The following RFX5 variants were observed in gnomAD, a reference collection of about 807,000 sequenced individuals.
RFX5 encodes the protein regulatory factor X5.
A neutral mutation model predicts 41.2 loss-of-function variants in RFX5; 30 were observed. The observed-to-expected ratio is 0.73, with a 90% confidence interval of 0.54 to 0.99. RFX5 has a LOEUF of 0.99. Among genes scored for constraint, RFX5 ranks in the 50% least tolerant of loss-of-function variants. The probability of loss-of-function intolerance (pLI) is 0.00; values close to 1 mark genes in which losing one functional copy is unlikely to be tolerated. For missense variants in RFX5, 715 were observed against 773.6 expected (o/e 0.92, Z 0.90); for synonymous variants, 231 against 291.8 (o/e 0.79, Z 2.12).
At position 151,345,191 on chromosome 1, in the gene RFX5, G is replaced by A. The variant is rs772664727; in HGVS notation, c.151-3C>T. 3.7e-6 allele frequency: 6 copies of A among 1,612,378 alleles called. No homozygotes were observed. Among genetic ancestry groups the A allele is most frequent in the African/African-American group, 1.3e-5 (1 of 74,902 alleles). ...TCAGAAAATTTCTGTACATCTTGCT[G>A]AGGTAGGAGAGAACAGAGGCAGGAG... is the stretch of plus-strand genomic sequence containing the variant. On this transcript the variant is annotated splice_region_variant and splice_polypyrimidine_tract_variant and intron_variant, in intron 4 of 10. Transcript: ENST00000452671.
chr1:151,342,783 G>A lies in RFX5; in HGVS notation c.1254C>T (p.Gly418=). The A allele has an allele frequency of 6.2e-7, 1 of 1,614,164 alleles. No individual in the cohort carries two copies. The highest frequency in any genetic ancestry group is 8.5e-7 in the Non-Finnish European group (1 of 1,180,002). ...QPRGTENREV[G]IGGDQGPHDK... is the part of the protein sequence containing the mutation. ...CATGTGGTCCTTGGTCACCACCTAT[G>A]CCTACCTCTCTGTTCTCTGTGCCCC... Residue 418 remains glycine, a synonymous_variant, in exon 11 of 11, where the codon GGC becomes GGT. Transcript: ENST00000452671.
chr1:151,344,575 A>G, intron 6 of RFX5, 39 bp from the exon 7 acceptor site: 1 of 1,613,996 alleles, frequency 6.2e-7, no homozygotes, highest in Admixed American at 1.7e-5. Flanking sequence ...ATACTCAGAG[A>G]AGGAGGCCAT....
Position 151,343,352 on chromosome 1 carries a change from C to G in RFX5, c.848G>C (p.Arg283Thr), listed in dbSNP as rs779171466. 2 of 1,613,282 alleles carry G rather than the reference C, an allele frequency of 1.2e-6. No homozygotes were observed. The highest frequency in any genetic ancestry group is 2.2e-5 in the East Asian group (1 of 44,890). The change falls in exon 10 of 11, where the codon AGA (arginine) becomes ACA (threonine). Residue 283 changes from arginine (R) to threonine (T), a missense_variant. Transcript: ENST00000452671. ...CACTGACTTCCTTACCTGGGCCAGTCTCTCTGGCTTCTTGTGGGCTCCACC... is the reference window on the plus strand; with the variant it reads ...CACTGACTTCCTTACCTGGGCCAGTGTCTCTGGCTTCTTGTGGGCTCCACC... ...PEGGAHKKPE[R>T]LAQPPKDLEA...
chr1:151,346,144 A>G, intron 3 of RFX5, 61 bp downstream of exon 3: 1 of 1,567,584 alleles, frequency 6.4e-7, no homozygotes, highest in Non-Finnish European at 8.8e-7. Flanking sequence ...GCCAAAGTGA[A>G]GTGCTGCAGG....
At chr1:151,344,978 C>T in intron 5 of RFX5, 128 bp downstream of exon 5, 7 of 1,566,600 alleles carry the variant, frequency 4.5e-6, no homozygotes, top group Non-Finnish European at 6.1e-6. Flanking sequence ...TAAACCAAGT[C>T]AGGGCGAGGA....
At position 151,346,613 on chromosome 1, in the gene RFX5, AG is replaced by A; in HGVS notation, c.-131-8del. The A allele has an allele frequency of 2.5e-6, 1 of 397,468 alleles. No individual in the cohort carries two copies. The highest frequency in any genetic ancestry group is 2.5e-5 in the South Asian group (1 of 40,546). The allele number at this position is 397,468 out of a possible 1,614,324, so 24.6% of individuals were successfully genotyped here. On this transcript the variant is annotated splice_polypyrimidine_tract_variant and splice_region_variant and intron_variant, in intron 1 of 10. Transcript: ENST00000452671. ...GTCTCCTAAATCTGGAAAACTGTAA[AG>A]GAAGAGATAGGGGGATTGGGAATCC... is the stretch of plus-strand genomic sequence containing the variant.
rs1016266960 is a variant in RFX5 at position 151,344,608 on chromosome 1, G to A, written c.354-72C>T. The A allele has an allele frequency of 5.6e-6, 9 of 1,610,194 alleles. No individual in the cohort carries two copies. In the African/African-American group the frequency reaches 8.0e-5, roughly 14 times the overall value. On this transcript the variant is annotated intron_variant, in intron 6 of 10. Coordinates refer to ENST00000452671, the MANE Select transcript of RFX5 (RefSeq NM_001025603.2). ...CATGGGTAGGCTCGAAGAGTCCCTA[G>A]GGATCAAGTGTGAGGAACCCTTTAA...
rs1162658397 is a variant in RFX5, at chr1:151,340,871, G to A, written c.*1315C>T. The A allele has an allele frequency of 6.6e-6, 1 of 152,618 alleles. No homozygotes were observed. Among genetic ancestry groups the A allele is most frequent in the African/African-American group, 2.4e-5 (1 of 41,446 alleles). The allele number at this position is 152,618 out of a possible 1,614,324, so 9.5% of individuals were successfully genotyped here. A position where few individuals can be genotyped will look rare whatever the true frequency, so the allele number is the denominator to read the frequency against. ...CCTGACAGAAGCTACCCTATGTAGA[G>A]GACAAAGTAGGTCTTCAATAAATAT... On this transcript the variant is annotated 3_prime_UTR_variant, in exon 11 of 11. Transcript: ENST00000452671.
rs1482831068 is a variant in RFX5, at chr1:151,342,152, T to C, written c.*34A>G. The C allele has an allele frequency of 1.2e-6, 2 of 1,614,100 alleles. No individual in the cohort carries two copies. Among genetic ancestry groups the C allele is most frequent in the Non-Finnish European group, 1.7e-6 (2 of 1,180,008 alleles). ...GGGCCTCTACTAGGCAAAGTTAACG[T>C]AGGGATATAAACACTCTTCCCCACA... On this transcript the variant is annotated 3_prime_UTR_variant, in exon 11 of 11. Transcript: ENST00000452671.
chr1:151,342,516 CCCT>C lies in RFX5; in HGVS notation c.1518_1520del (p.Gly507del). ...CTGCCCCTCCAGCTGAGTTGCCTTCCCCTCCTGAGCCCCATGTCTCCCATGGTA... is the reference window on the plus strand; with the variant it reads ...CTGCCCCTCCAGCTGAGTTGCCTTCCCCTGAGCCCCATGTCTCCCATGGTA... On this transcript the variant is annotated inframe_deletion, in exon 11 of 11. Transcript: ENST00000452671. 1 of 1,614,032 alleles carries C rather than the reference CCCT, an allele frequency of 6.2e-7. No homozygotes were observed. The highest frequency in any genetic ancestry group is 1.6e-4 in the Middle Eastern group (1 of 6,062).
Position 151,346,548 on chromosome 1 carries a change from A to G in RFX5, c.-73T>C, listed in dbSNP as rs1453643586. 1 of 524,992 alleles carries G rather than the reference A, an allele frequency of 1.9e-6. No individual in the cohort carries two copies. Among genetic ancestry groups the G allele is most frequent in the African/African-American group, 1.9e-5 (1 of 52,144 alleles). 32.5% of individuals were successfully genotyped at this position (524,992 alleles called of 1,614,324 possible). A position where few individuals can be genotyped will look rare whatever the true frequency, so the allele number is the denominator to read the frequency against. On this transcript the variant is annotated 5_prime_UTR_variant, in exon 2 of 11. Transcript: ENST00000452671. Reference sequence around the variant, plus strand: ...GCCAGGCCCATATATGCCCAAAGAGATCTTTGCCATCTCCATTCTATCTGC... The same window carrying G: ...GCCAGGCCCATATATGCCCAAAGAGGTCTTTGCCATCTCCATTCTATCTGC...
Position 151,343,343 on chromosome 1 carries a change from T to C in RFX5, c.857A>G (p.Gln286Arg), listed in dbSNP as rs749274849. The change falls in exon 10 of 11, where the codon CAG becomes CGG. Residue 286 changes from glutamine to arginine, a missense_variant and splice_region_variant. Physicochemically the swap from Gln to Arg is conservative, Grantham distance 43 (BLOSUM62 1). Transcript: ENST00000452671. ...AGTCAGGGCCACTGACTTCCTTACC[T>C]GGGCCAGTCTCTCTGGCTTCTTGTG... ...GAHKKPERLA[Q>R]PPKDLEARTG... is the part of the protein sequence containing the mutation. The C allele has an allele frequency of 6.2e-6, 10 of 1,612,988 alleles. No homozygotes were observed. The highest frequency in any genetic ancestry group is 7.6e-6 in the Non-Finnish European group (9 of 1,179,936).
intron 9 of RFX5, 48 bp from the exon 10 acceptor site, chr1:151,343,490 G>T: frequency 1.3e-6 from 2 of 1,567,284 alleles, no homozygotes; most frequent in Non-Finnish European, 1.8e-6. Context: ...GGAGGAAACT[G>T]AGGAATAGGG....
intron 8 of RFX5, 99 bp downstream of exon 8, chr1:151,344,098 C>T (rs900546202): frequency 2.4e-6 from 3 of 1,253,954 alleles, no homozygotes; most frequent in African/African-American, 2.9e-5. Flanking sequence ...AAGCTATGTA[C>T]ATAATGACTG....
At position 151,344,529 on chromosome 1, in the gene RFX5, A is replaced by G. The variant is rs772639371; in HGVS notation, c.361T>C (p.Cys121Arg). 4 of 1,614,230 alleles carry G rather than the reference A, an allele frequency of 2.5e-6. No individual in the cohort carries two copies. The South Asian group carries it at 4.4e-5, about 18-fold the overall frequency. The change falls in exon 7 of 11, where the codon TGT becomes CGT. Residue 121 changes from cysteine (C) to arginine (R), a missense_variant. Coordinates refer to ENST00000452671, the MANE Select transcript of RFX5 (RefSeq NM_001025603.2). ...GGGCGGCAACAGGCAAGACTCTCAC[A>G]GTACTTCCTGAGTGAGAGGGGAGCA... ...QSVYDAYRKY[C>R]ESLACCRPLS...
chr1:151,342,087 T>G lies in RFX5; in HGVS notation c.*99A>C. On this transcript the variant is annotated 3_prime_UTR_variant, in exon 11 of 11. Coordinates refer to ENST00000452671, the MANE Select transcript of RFX5 (RefSeq NM_001025603.2). Reference sequence around the variant, plus strand: ...TCTGTACAGAGGAGAATGGACTTCCTTAGGAAAAGAATAGCCAAATGAGAA... The same window carrying G: ...TCTGTACAGAGGAGAATGGACTTCCGTAGGAAAAGAATAGCCAAATGAGAA... 1 of 1,557,926 alleles carries G rather than the reference T, an allele frequency of 6.4e-7. No homozygotes were observed. Among genetic ancestry groups the G allele is most frequent in the South Asian group, 1.1e-5 (1 of 89,002 alleles).
rs1022491679 is a variant in RFX5 at position 151,342,580 on chromosome 1, G to A, written c.1457C>T (p.Ser486Leu). 6.2e-7 allele frequency: 1 copy of A among 1,614,182 alleles called. No homozygotes were observed. The highest frequency in any genetic ancestry group is 2.2e-5 in the East Asian group (1 of 44,888). Reference sequence around the variant, plus strand: ...CTGGGCAGATTCCATGGCAGCTGCTGACTTGAGAGGGGTAGAATTCCTTTC... The same window carrying A: ...CTGGGCAGATTCCATGGCAGCTGCTAACTTGAGAGGGGTAGAATTCCTTTC... ...SGERNSTPLK[S>L]AAAMESAQSS... Residue 486 changes from serine (S) to leucine (L), a missense_variant, in exon 11 of 11, where the codon TCA (serine) becomes TTA (leucine). Physicochemically the swap from Ser to Leu is moderately radical, Grantham distance 145 (BLOSUM62 -2). Transcript: ENST00000452671.
chr1:151,343,253 G>A, intron 10 of RFX5, 75 bp from the exon 11 acceptor site: 5 of 1,609,518 alleles, frequency 3.1e-6, no homozygotes, highest in Non-Finnish European at 4.2e-6. Context: ...CAGAGGCACA[G>A]GAGGTGGAAA....
Position 151,341,798 on chromosome 1 carries a change from C to A in RFX5, c.*388G>T. ...GTCAAGTCTTCACCTGGAGCCAGCACTACCTATGGACTTTCTAGTTACATG... is the reference window on the plus strand; with the variant it reads ...GTCAAGTCTTCACCTGGAGCCAGCAATACCTATGGACTTTCTAGTTACATG... On this transcript the variant is annotated 3_prime_UTR_variant, in exon 11 of 11. Coordinates refer to ENST00000452671, the MANE Select transcript of RFX5 (RefSeq NM_001025603.2). 2.7e-6 allele frequency: 1 copy of A among 363,966 alleles called. No homozygotes were observed. Among genetic ancestry groups the A allele is most frequent in the South Asian group, 2.2e-5 (1 of 45,692 alleles). 22.5% of individuals were successfully genotyped at this position (363,966 alleles called of 1,614,324 possible).
Sources: allele counts gnomAD v4.1 joint callset, GRCh38; gene constraint gnomAD v4.1.1; transcripts MANE v1.5; gene names NCBI Gene and HGNC (gene_info 2026-07-23, HGNC 2026-07-21).